Variants in HIVEP2 observed in about 807,000 individuals in gnomAD.
The protein encoded by HIVEP2 is HIVEP zinc finger 2.
A neutral mutation model predicts 180.7 loss-of-function variants in HIVEP2; 14 were observed. The ratio of observed to expected loss-of-function variants is 0.08; its 90% CI spans 0.05 to 0.12. The LOEUF (loss-of-function observed/expected upper bound fraction) is 0.12. Among genes scored for constraint, HIVEP2 ranks in the 10% least tolerant of loss-of-function variants. The pLI is 1.00. For synonymous variants in HIVEP2, 1,184 were observed against 1,136.4 expected (o/e 1.04, Z -0.84); for missense variants, 2,579 against 3,008.5 (o/e 0.86, Z 3.34).
At chr6:142,759,027 C>T (rs1403195390) in intron 9 of HIVEP2, among the ~76,000 whole-genome samples, 1 of 152,140 alleles carries the variant, frequency 6.6e-6, no homozygotes, top group African/African-American at 2.4e-5. Context: ...TGAGGCCAGG[C>T]GCAGTGGCTC....
upstream of HIVEP2, among the ~76,000 whole-genome samples, chr6:142,945,684 T>G (rs1162786996): frequency 6.6e-6 from 1 of 152,184 alleles, no homozygotes; most frequent in African/African-American, 2.4e-5. This position sits in a 1 kb window ranked among gnomAD's most constrained non-coding sequence, Gnocchi z 5.5. Flanking sequence ...GGCAAAGACT[T>G]GTGCCACAGT....
At position 142,753,636 on chromosome 6, in the gene HIVEP2, A is replaced by G. The variant is rs765612030; in HGVS notation, c.6812T>C (p.Phe2271Ser). Residue 2271 changes from phenylalanine to serine, a missense_variant, in exon 10 of 10, where the codon TTC becomes TCC. Physicochemically the swap from Phe to Ser is radical, Grantham distance 155. Transcript: ENST00000367603. ...EEKKGASGES[F>S]SKDPYVLSKQ... ...AGAAAGCACATAGGGGTCCTTGGAG[A>G]AGGACTCCCCTGACGCGCCTTTCTT... The G allele has an allele frequency of 6.2e-7, 1 of 1,614,124 alleles. No individual in the cohort carries two copies. The highest frequency in any genetic ancestry group is 1.7e-5 in the Admixed American group (1 of 60,028).
At chr6:142,780,264 C>T (rs910150324) in intron 3 of HIVEP2, among the ~76,000 whole-genome samples, 8 of 152,174 alleles carry the variant, frequency 5.3e-5, no homozygotes, top group Admixed American at 3.3e-4. Context: ...CTGGGTTGTG[C>T]GGGAAGAGCT....
intron 1 of HIVEP2, among the ~76,000 whole-genome samples, chr6:142,882,027 C>CT (rs1776584095): frequency 6.6e-6 from 1 of 152,146 alleles, no homozygotes; most frequent in African/African-American, 2.4e-5. Flanking sequence ...CAGGAGGACT[C>CT]TACCCAGAGT....
At chr6:142,786,393 G>T (rs933407777) in intron 2 of HIVEP2, among the ~76,000 whole-genome samples, 1 of 152,018 alleles carries the variant, frequency 6.6e-6, no homozygotes, top group Admixed American at 6.6e-5. Context: ...AAATCCAAAG[G>T]TCATTTAAAA....
chr6:142,753,773 A>G lies in HIVEP2; in HGVS notation c.6675T>C (p.Pro2225=). Residue 2225 remains proline, a synonymous_variant, in exon 10 of 10, where the codon CCT becomes CCC. Coordinates refer to ENST00000367603, the MANE Select transcript of HIVEP2 (RefSeq NM_006734.4). ...TCCCACCAACGGGCACCATGGGGAT[A>G]GGGGCTCGCACTTGTTGCTGAGAGT... is the stretch of plus-strand genomic sequence containing the variant. ...PLHSQQQVRA[P]IPMVPVGGIQ... The G allele has an allele frequency of 6.2e-7, 1 of 1,614,174 alleles. No individual in the cohort carries two copies. Among genetic ancestry groups the G allele is most frequent in the East Asian group, 2.2e-5 (1 of 44,872 alleles).
intron 1 of HIVEP2, among the ~76,000 whole-genome samples, chr6:142,935,969 C>T (rs1317766986): frequency 6.6e-6 from 1 of 151,760 alleles, no homozygotes; most frequent in Non-Finnish European, 1.5e-5. Flanking sequence ...AAAAATTAGC[C>T]GCGCATGGTG....
At chr6:142,881,425 A>G (rs989309552) in intron 1 of HIVEP2, among the ~76,000 whole-genome samples, 7 of 152,234 alleles carry the variant, frequency 4.6e-5, no homozygotes, top group African/African-American at 1.7e-4. Context: ...ATGAATGTAG[A>G]CAACTAGAGC....
chr6:142,802,815 T>C (rs944474835), intron 2 of HIVEP2, among the ~76,000 whole-genome samples: 17 of 152,322 alleles, frequency 1.1e-4, no homozygotes, highest in African/African-American at 4.1e-4. Flanking sequence ...TAGCTTCTAC[T>C]TGCTGTGCAA....
chr6:142,809,824 C>A (rs1274542475), intron 2 of HIVEP2, among the ~76,000 whole-genome samples: 1 of 152,124 alleles, frequency 6.6e-6, no homozygotes, highest in African/African-American at 2.4e-5. Flanking sequence ...GAACTCCTGA[C>A]CTCAAGTGAT....
At chr6:142,894,417 G>T (rs1582947670) in intron 1 of HIVEP2, among the ~76,000 whole-genome samples, 1 of 152,254 alleles carries the variant, frequency 6.6e-6, no homozygotes, top group Non-Finnish European at 1.5e-5. Context: ...CTGTTCAAGA[G>T]CACAGGGGCC....
chr6:142,753,189 A>G lies in HIVEP2; in HGVS notation c.7259T>C (p.Leu2420Ser). The change falls in exon 10 of 10, where the codon TTG (leucine) becomes TCG (serine). Residue 2420 changes from leucine (L) to serine (S), a missense_variant. Physicochemically the swap from Leu to Ser is moderately radical, Grantham distance 145. Around this residue, in one of 11 missense-constraint regions of HIVEP2, gnomAD observed 660 missense variants for 731.7 expected, o/e 0.90. Transcript: ENST00000367603. ...YSKSCVDDKQ[L>S]DFHSSKELSS... ...TAATTCCTTGCTGCTGTGAAAGTCC[A>G]ACTGCTTGTCATCCACACAACTCTT... The G allele has an allele frequency of 6.2e-7, 1 of 1,614,046 alleles. No homozygotes were observed. Among genetic ancestry groups the G allele is most frequent in the Non-Finnish European group, 8.5e-7 (1 of 1,179,906 alleles).
chr6:142,771,996 C>G lies in HIVEP2; in HGVS notation c.2743G>C (p.Val915Leu), dbSNP rs1775558036. 1.3e-5 allele frequency: 21 copies of G among 1,614,228 alleles called. No homozygotes were observed. Among genetic ancestry groups the G allele is most frequent in the Non-Finnish European group, 1.8e-5 (21 of 1,180,044 alleles). The stretch of plus-strand genomic sequence containing the variant: ...CTCTGGGGCCACTGAAATTCTTCCA[C>G]AGGCTTCTCTGGCTCTTTGCTCTGG... ...EAQSKEPEKP[V>L]EEFQWPQRSE... is the part of the protein sequence containing the mutation. The change falls in exon 5 of 10, where the codon GTG (valine) becomes CTG (leucine). Residue 915 changes from valine to leucine, a missense_variant. By Grantham distance (32) the Val-to-Leu change is conservative (BLOSUM62 1). Around this residue, in one of 11 missense-constraint regions of HIVEP2, gnomAD observed 51 missense variants for 102.8 expected, o/e 0.50. Coordinates refer to ENST00000367603, the MANE Select transcript of HIVEP2 (RefSeq NM_006734.4). The surrounding 1 kb of genome is among the most constrained non-coding windows in gnomAD (Gnocchi z 5.4).
intron 9 of HIVEP2, among the ~76,000 whole-genome samples, chr6:142,758,284 T>A (rs1035509832): frequency 6.6e-6 from 1 of 152,208 alleles, no homozygotes; most frequent in Non-Finnish European, 1.5e-5. Context: ...AATTGCTTCA[T>A]CAAGATGAAG....
intron 2 of HIVEP2, among the ~76,000 whole-genome samples, chr6:142,836,711 A>G (rs989483143): frequency 2.0e-5 from 3 of 152,180 alleles, no homozygotes; most frequent in Non-Finnish European, 2.9e-5. Context: ...CGAACTATAA[A>G]TGACAACATT....
intron 1 of HIVEP2, among the ~76,000 whole-genome samples, chr6:142,839,407 CTT>C (rs1028603338): frequency 3.9e-4 from 59 of 152,082 alleles, no homozygotes; most frequent in African/African-American, 1.4e-3. Context: ...GGGAGGGACT[CTT>C]AGTGTTTTTT....
chr6:142,765,806 T>A (rs931594327), intron 6 of HIVEP2, among the ~76,000 whole-genome samples: 6 of 152,214 alleles, frequency 3.9e-5, no homozygotes, highest in Non-Finnish European at 5.9e-5. Context: ...ATCTACCCAA[T>A]GCTCAACCAT....
Position 142,802,084 on chromosome 6 carries a change from T to C in HIVEP2, c.-527-18469A>G, listed in dbSNP as rs138494134. Among the ~76,000 whole-genome samples, 16 of 152,250 alleles carry C rather than the reference T, an allele frequency of 1.1e-4. No individual in the cohort carries two copies. The South Asian group carries it at 2.5e-3, about 24-fold the overall frequency. ...TGTAACAAACAAAATCCAAAATGCA[T>C]AGGGGCTCATTCTCAATAGCAATCT... is the stretch of plus-strand genomic sequence containing the variant. On this transcript the variant is annotated intron_variant, in intron 2 of 9. Coordinates refer to ENST00000367603, the MANE Select transcript of HIVEP2 (RefSeq NM_006734.4).
intron 1 of HIVEP2, among the ~76,000 whole-genome samples, chr6:142,866,265 C>A (rs1435939755): frequency 6.6e-6 from 1 of 152,150 alleles, no homozygotes; most frequent in Non-Finnish European, 1.5e-5. Context: ...CAGCAACAGC[C>A]TTGAAAACTT....
Sources: allele counts gnomAD v4.1 joint callset (sites outside exome capture counted in the v4.1 genomes callset), GRCh38; gene constraint gnomAD v4.1.1; regional missense constraint gnomAD v4.1.1; non-coding constraint Gnocchi (gnomAD v3.1); transcripts MANE v1.5; gene names NCBI Gene and HGNC (gene_info 2026-07-23, HGNC 2026-07-21).